MED4: variants seen among roughly 807,000 people sequenced by gnomAD.
The protein encoded by MED4 is mediator of RNA polymerase II transcription subunit 4.
MED4 carries 21 observed loss-of-function variants against 35.0 expected under a neutral mutation model. The observed-to-expected ratio is 0.60, with a 90% CI of 0.43 to 0.86. The LOEUF (loss-of-function observed/expected upper bound fraction) is 0.86. Ranked by LOEUF, MED4 falls within the 40% of genes least tolerant of loss-of-function variation. The pLI is 0.00. For missense variants in MED4, 300 were observed against 319.4 expected (o/e 0.94, Z 0.46); for synonymous variants, 138 against 114.0 (o/e 1.21, Z -1.34).
chr13:48,089,419 C>T (rs1447783113), intron 2 of MED4, among the ~76,000 whole-genome samples: 1 of 152,126 alleles, frequency 6.6e-6, no homozygotes, highest in African/African-American at 2.4e-5. Context: ...GGTTAATCCT[C>T]TCCATTCATT....
chr13:48,077,124 G>A lies in MED4; in HGVS notation c.*15C>T, dbSNP rs188980729. 18 of 1,585,610 alleles carry A rather than the reference G, an allele frequency of 1.1e-5. No individual in the cohort carries two copies. The East Asian group carries it at 3.7e-4, about 33-fold the overall frequency. ...TCTACAGTATTCAATTCTGTATATTGTCTTTTAAGGTTTTTCAATCAGACT... is the reference window on the plus strand; with the variant it reads ...TCTACAGTATTCAATTCTGTATATTATCTTTTAAGGTTTTTCAATCAGACT... On this transcript the variant is annotated 3_prime_UTR_variant, in exon 7 of 7. Transcript: ENST00000258648.
intron 3 of MED4, 104 bp downstream of exon 3, chr13:48,086,177 TG>T: frequency 1.9e-6 from 2 of 1,061,840 alleles, no homozygotes; most frequent in Non-Finnish European, 2.8e-6. Context: ...CCTTTAGACT[TG>T]GAAAGTCTAG....
At chr13:48,090,527 C>T (rs545183527) in intron 1 of MED4, 109 bp from the exon 2 acceptor site, 10 of 746,754 alleles carry the variant, frequency 1.3e-5, no homozygotes, top group South Asian at 7.4e-5. Flanking sequence ...CACCAAGACT[C>T]GCTTGTGCCG....
chr13:48,084,037 G>T (rs981670134), intron 3 of MED4, among the ~76,000 whole-genome samples: 1 of 152,100 alleles, frequency 6.6e-6, no homozygotes, highest in African/African-American at 2.4e-5. Context: ...GAGGCAGGCA[G>T]ATCATTTGAG....
rs555071635 is a variant in MED4, at chr13:48,082,720, G to A, written c.421+651C>T. On this transcript the variant is annotated intron_variant, in intron 4 of 6. Coordinates refer to ENST00000258648, the MANE Select transcript of MED4 (RefSeq NM_014166.4). ...CGGGCGCCTGTAGTCCCAGCTACTC[G>A]GGAGGCTGAGGCAGGAGAGTGGCGT... is the stretch of plus-strand genomic sequence containing the variant. 1.1e-3 allele frequency among the ~76,000 whole-genome samples: 162 copies of A among 152,214 alleles called. 1 individual carries two copies. Among genetic ancestry groups the A allele is most frequent in the South Asian group, 2.1e-3 (10 of 4,814 alleles).
chr13:48,091,522 A>G (rs774638735), intron 1 of MED4, among the ~76,000 whole-genome samples: 10 of 152,200 alleles, frequency 6.6e-5, no homozygotes, highest in Non-Finnish European at 1.2e-4. Context: ...TTTCTGGATC[A>G]TGTCAATTAG....
At chr13:48,084,792 TAA>T (rs1950837334) in intron 3 of MED4, among the ~76,000 whole-genome samples, 2 of 151,860 alleles carry the variant, frequency 1.3e-5, no homozygotes, top group Admixed American at 1.3e-4. Flanking sequence ...TTTTGTTTGA[TAA>T]GCAAGTATTA....
chr13:48,086,134 T>C (rs1191993765), intron 3 of MED4, 148 bp downstream of exon 3: 2 of 701,410 alleles, frequency 2.9e-6, no homozygotes, highest in African/African-American at 3.6e-5. Context: ...GCCTTTCATT[T>C]AACCACTGGC....
chr13:48,091,144 A>AT (rs887013266), intron 1 of MED4, among the ~76,000 whole-genome samples: 175 of 152,326 alleles, frequency 1.1e-3, no homozygotes, highest in African/African-American at 4.1e-3. Flanking sequence ...TGCATGGACC[A>AT]TTTTTTAATG....
chr13:48,080,135 G>T (rs1348982560), intron 5 of MED4, 160 bp from the exon 6 acceptor site: 1 of 712,560 alleles, frequency 1.4e-6, no homozygotes, highest in African/African-American at 1.8e-5. Flanking sequence ...AGTGGCTCAC[G>T]CCTGTAATCC....
At chr13:48,078,760 C>T (rs1950780400) in intron 6 of MED4, among the ~76,000 whole-genome samples, 1 of 152,166 alleles carries the variant, frequency 6.6e-6, no homozygotes, top group Admixed American at 6.5e-5. Flanking sequence ...ACTTTTAAAA[C>T]ATGAGAAATA....
chr13:48,084,995 T>C (rs542790657), intron 3 of MED4, among the ~76,000 whole-genome samples: 28 of 152,104 alleles, frequency 1.8e-4, no homozygotes, highest in African/African-American at 5.5e-4. Context: ...GCCTCCCAAG[T>C]ACCTGAGATT....
rs113137330 is a variant in MED4, at chr13:48,094,897, C to A, written c.125+57G>T. The A allele has an allele frequency of 1.0e-5, 16 of 1,586,762 alleles. No homozygotes were observed. The African/African-American group carries it at 2.0e-4, about 20-fold the overall frequency. ...CGAGCACAAACGCAGGGCCGGCCGG[C>A]TCCGGGGTCAGTCCCCCGGCCCAGC... is the stretch of plus-strand genomic sequence containing the variant. On this transcript the variant is annotated intron_variant, in intron 1 of 6. Transcript: ENST00000258648.
chr13:48,092,668 G>T (rs1472877869), intron 1 of MED4, among the ~76,000 whole-genome samples: 1 of 152,212 alleles, frequency 6.6e-6, no homozygotes, highest in Non-Finnish European at 1.5e-5. Flanking sequence ...TCTTTTGGAG[G>T]TAGAGCTAAC....
intron 5 of MED4, among the ~76,000 whole-genome samples, chr13:48,080,396 CAAAAAAAAAAAA>C (rs57198503): frequency 1.5e-5 from 1 of 68,816 alleles, no homozygotes; most frequent in Non-Finnish European, 2.6e-5. Context: ...GACCCTGTCT[CAAAAAAAAAAAA>C]AAAAAAAAAA....
intron 3 of MED4, among the ~76,000 whole-genome samples, chr13:48,084,555 A>T (rs1384457214): frequency 6.6e-6 from 1 of 152,198 alleles, no homozygotes; most frequent in African/African-American, 2.4e-5. Context: ...TTTATAACAC[A>T]AAGTGGGAAA....
chr13:48,079,749 G>T, intron 6 of MED4, 95 bp downstream of exon 6: 1 of 1,435,868 alleles, frequency 7.0e-7, no homozygotes, highest in African/African-American at 1.4e-5. Flanking sequence ...AAATTGTGTC[G>T]GGAATCTCAA....
chr13:48,085,070 T>C (rs547538974), intron 3 of MED4, among the ~76,000 whole-genome samples: 31 of 151,978 alleles, frequency 2.0e-4, no homozygotes, highest in Non-Finnish European at 3.7e-4. Flanking sequence ...GATTTCACCA[T>C]GTTGACTAGG....
chr13:48,075,830 A>G lies in MED4; in HGVS notation c.*1309T>C, dbSNP rs1397550995. On this transcript the variant is annotated 3_prime_UTR_variant, in exon 7 of 7. Transcript: ENST00000258648. ...TTAGATATTGTGTTAGTCCATTCCT[A>G]AAAATAACCCTGGAGGGAAAGACAT... The G allele has an allele frequency of 6.6e-6, 1 of 152,226 alleles. No individual in the cohort carries two copies. Among genetic ancestry groups the G allele is most frequent in the Non-Finnish European group, 1.5e-5 (1 of 68,036 alleles). 9.4% of individuals were successfully genotyped at this position (152,226 alleles called of 1,614,324 possible).
Sources: allele counts gnomAD v4.1 joint callset (sites outside exome capture counted in the v4.1 genomes callset), GRCh38; gene constraint gnomAD v4.1.1; transcripts MANE v1.5; gene names NCBI Gene and HGNC (gene_info 2026-07-23, HGNC 2026-07-21).